Variants in FSD1L observed in about 807,000 individuals in gnomAD.
FSD1L encodes FSD1-like protein.
FSD1L carries 45 observed loss-of-function variants against 71.6 expected under a neutral mutation model. The observed-to-expected ratio is 0.63, with a 90% CI of 0.49 to 0.81. The LOEUF (loss-of-function observed/expected upper bound fraction) is 0.81. Among genes scored for constraint, FSD1L ranks in the 30% least tolerant of loss-of-function variants. FSD1L has a pLI of 0.00. For missense variants in FSD1L, 561 were observed against 618.1 expected, an observed-to-expected ratio of 0.91 and a Z score of 0.98; for synonymous variants, 197 against 207.2, an observed-to-expected ratio of 0.95 and a Z score of 0.42.
At chr9:105,446,793 T>C (rs995438491), upstream of FSD1L, among the ~76,000 whole-genome samples, 29 of 152,148 alleles carry the variant, frequency 1.9e-4, no homozygotes, top group African/African-American at 7.0e-4. Flanking sequence ...TACTGAATTT[T>C]GTTTGTAGAA....
At chr9:105,487,569 A>G (rs1301697552) in intron 7 of FSD1L, among the ~76,000 whole-genome samples, 1 of 152,064 alleles carries the variant, frequency 6.6e-6, no homozygotes, top group East Asian at 1.9e-4. Context: ...AATTTTGTCA[A>G]ATTTTCATGG....
Position 105,520,382 on chromosome 9 carries a change from C to CT in FSD1L, c.1025+7448dup. 3.3e-6 allele frequency: 4 copies of CT among 1,201,778 alleles called. No individual in the cohort carries two copies. In the South Asian group the frequency reaches 5.1e-5, roughly 15 times the overall value. The allele number at this position is 1,201,778 out of a possible 1,614,324, so 74.4% of individuals were successfully genotyped here. On this transcript the variant is annotated intron_variant, in intron 10 of 13. Coordinates refer to ENST00000481272, the MANE Select transcript of FSD1L (RefSeq NM_001145313.3). ...AAAAAAGAATGCAGAATCTATTGAT[C>CT]TTAAACAGTTTTTCGACAACATTTT...
intron 10 of FSD1L, chr9:105,523,351 A>C (rs955638601): frequency 3.0e-5 from 48 of 1,601,672 alleles, no homozygotes; most frequent in East Asian, 4.5e-5. Context: ...CAGACACCAG[A>C]TGATCTAGAA....
chr9:105,541,312 T>A (rs1001725295), intron 13 of FSD1L, among the ~76,000 whole-genome samples: 6 of 150,380 alleles, frequency 4.0e-5, no homozygotes, highest in African/African-American at 1.5e-4. Context: ...TTTAACTTTG[T>A]ACAAACCTCT....
chr9:105,524,028 C>T, intron 10 of FSD1L: 1 of 1,601,162 alleles, frequency 6.2e-7, no homozygotes, highest in South Asian at 1.1e-5. Flanking sequence ...TCCCAACATT[C>T]CTGATGTTGC....
At chr9:105,481,092 G>A (rs1832143522) in intron 6 of FSD1L, among the ~76,000 whole-genome samples, 2 of 142,044 alleles carry the variant, frequency 1.4e-5, no homozygotes, top group Non-Finnish European at 3.0e-5. Context: ...CTCTTGGCTT[G>A]ATTTCATAAG....
At chr9:105,512,001 C>T (rs907776855) in intron 9 of FSD1L, among the ~76,000 whole-genome samples, 13 of 151,980 alleles carry the variant, frequency 8.6e-5, no homozygotes, top group South Asian at 4.2e-4. Flanking sequence ...ATAGAGATTC[C>T]GAGAGTTATA....
chr9:105,542,671 G>A (rs1020160203), intron 13 of FSD1L, among the ~76,000 whole-genome samples: 3 of 152,146 alleles, frequency 2.0e-5, no homozygotes, highest in Non-Finnish European at 4.4e-5. Flanking sequence ...GCCCAGGCTG[G>A]TCTCAAAGTC....
rs545514937 is a variant in FSD1L, at chr9:105,489,879, T to C, written c.586+5377T>C. On this transcript the variant is annotated intron_variant, in intron 7 of 13. Coordinates refer to ENST00000481272, the MANE Select transcript of FSD1L (RefSeq NM_001145313.3). ...GTAGTATTCCATGGTGTATATGTGC[T>C]ACGTTTTCTTAATCCAGTCTATCAT... Among the ~76,000 whole-genome samples, 337 of 152,318 alleles carry C rather than the reference T, an allele frequency of 2.2e-3. 1 individual carries two copies. Among genetic ancestry groups the C allele is most frequent in the Non-Finnish European group, 3.4e-3 (232 of 68,018 alleles).
At chr9:105,521,254 A>G in intron 10 of FSD1L, 2 of 1,614,230 alleles carry the variant, frequency 1.2e-6, no homozygotes, top group African/African-American at 2.7e-5. Context: ...GTCTTGCCAA[A>G]GAATATTCAG....
chr9:105,499,975 A>T (rs770419001), intron 7 of FSD1L, among the ~76,000 whole-genome samples: 2 of 152,162 alleles, frequency 1.3e-5, no homozygotes, highest in Non-Finnish European at 2.9e-5. Flanking sequence ...CCATTAAATT[A>T]TTCTTAATTT....
At position 105,500,547 on chromosome 9, in the gene FSD1L, A is replaced by G. The variant is rs551542326; in HGVS notation, c.587-5852A>G. The G allele has an allele frequency of 7.3e-4, 111 of 152,314 alleles. 1 individual carries two copies. Among genetic ancestry groups the G allele is most frequent in the African/African-American group, 2.6e-3 (110 of 41,550 alleles). 9.4% of individuals were successfully genotyped at this position (152,314 alleles called of 1,614,324 possible). On this transcript the variant is annotated intron_variant, in intron 7 of 13. Coordinates refer to ENST00000481272, the MANE Select transcript of FSD1L (RefSeq NM_001145313.3). ...CCCCAACAGATTAGACTATGATTAAATAGTTTCTCTTAAGGGAACAGAAAC... is the reference window on the plus strand; with the variant it reads ...CCCCAACAGATTAGACTATGATTAAGTAGTTTCTCTTAAGGGAACAGAAAC...
intron 13 of FSD1L, among the ~76,000 whole-genome samples, chr9:105,542,359 G>T (rs1387970248): frequency 2.0e-5 from 3 of 152,136 alleles, no homozygotes; most frequent in African/African-American, 7.2e-5. Context: ...GACAAATGAT[G>T]TTTCATGTCC....
chr9:105,448,144 G>C lies in FSD1L; in HGVS notation c.-77G>C, dbSNP rs923343269. ...GGGCAGTGCAGTGAGTAGCGGTCTTGGGGTGTGCGATCTCGCTGAGCCTCC... is the reference window on the plus strand; with the variant it reads ...GGGCAGTGCAGTGAGTAGCGGTCTTCGGGTGTGCGATCTCGCTGAGCCTCC... On this transcript the variant is annotated 5_prime_UTR_variant, in exon 1 of 14. Coordinates refer to ENST00000481272, the MANE Select transcript of FSD1L (RefSeq NM_001145313.3). The C allele has an allele frequency of 3.5e-6, 5 of 1,435,372 alleles. No homozygotes were observed. In the African/African-American group the frequency reaches 7.2e-5, roughly 21 times the overall value. The allele number at this position is 1,435,372 out of a possible 1,614,324, so 88.9% of individuals were successfully genotyped here. A position where few individuals can be genotyped will look rare whatever the true frequency, so the allele number is the denominator to read the frequency against.
intron 7 of FSD1L, among the ~76,000 whole-genome samples, chr9:105,494,175 TA>T (rs1365920173): frequency 3.9e-5 from 6 of 152,200 alleles, no homozygotes; most frequent in Admixed American, 6.5e-5. Flanking sequence ...CATAGTCCCA[TA>T]TTTCTTGGAG....
At chr9:105,485,891 C>T (rs967434495) in intron 7 of FSD1L, among the ~76,000 whole-genome samples, 1 of 152,132 alleles carries the variant, frequency 6.6e-6, no homozygotes, top group Non-Finnish European at 1.5e-5. Flanking sequence ...GATCCGCCCG[C>T]CTCGGCCTCC....
chr9:105,447,448 A>G (rs567125303), upstream of FSD1L, among the ~76,000 whole-genome samples: 1 of 152,008 alleles, frequency 6.6e-6, no homozygotes, highest in Non-Finnish European at 1.5e-5. Flanking sequence ...CATTTTACAG[A>G]TGAAACAAGC....
intron 6 of FSD1L, among the ~76,000 whole-genome samples, chr9:105,481,181 T>TGTGGGTGGG (rs1564098389): frequency 3.6e-5 from 2 of 56,206 alleles, no homozygotes; most frequent in Non-Finnish European, 6.5e-5. Context: ...GTGTGTGTGG[T>TGTGGGTGGG]TCTTTTTTTT....
At position 105,448,057 on chromosome 9, in the gene FSD1L, T is replaced by G. The variant is rs1253607836; in HGVS notation, c.-164T>G. On this transcript the variant is annotated 5_prime_UTR_variant, in exon 1 of 14. Transcript: ENST00000481272. ...CCCTTTCACCCTGGCAACCGCGGCG[T>G]GACTACGGCGCGCGCGGTCTGGGCG... is the stretch of plus-strand genomic sequence containing the variant. The G allele has an allele frequency of 2.7e-6, 2 of 749,954 alleles. No individual in the cohort carries two copies. The highest frequency in any genetic ancestry group is 2.5e-5 in the Admixed American group (1 of 40,236). The allele number at this position is 749,954 out of a possible 1,614,324, so 46.5% of individuals were successfully genotyped here. A position where few individuals can be genotyped will look rare whatever the true frequency, so the allele number is the denominator to read the frequency against.
Sources: gnomAD v4.1 joint callset for allele counts (sites outside exome capture counted in the v4.1 genomes callset) on GRCh38, gnomAD v4.1.1 for gene constraint, MANE v1.5 for transcripts, NCBI Gene and HGNC (gene_info 2026-07-23, HGNC 2026-07-21) for gene names.